Variants in RIPOR3 observed in about 807,000 individuals in gnomAD.
The protein encoded by RIPOR3 is RIPOR family member 3, also known as family with sequence similarity 65 member C.
A neutral mutation model predicts 114.3 loss-of-function variants in RIPOR3; 95 were observed. The ratio of observed to expected loss-of-function variants is 0.83; its 90% confidence interval spans 0.70 to 0.99. The LOEUF is 0.99. RIPOR3 is among the 50% of genes least tolerant of loss of function. RIPOR3 has a pLI of 0.00. For synonymous variants in RIPOR3, 575 were observed against 543.8 expected, an observed-to-expected ratio of 1.06 and a Z score of -0.80; for missense variants, 1,252 against 1,266.9, an observed-to-expected ratio of 0.99 and a Z score of 0.18.
At chr20:50,624,719 G>C (rs1224088021) in intron 2 of RIPOR3, among the ~76,000 whole-genome samples, 1 of 152,214 alleles carries the variant, frequency 6.6e-6, no homozygotes, top group African/African-American at 2.4e-5. Flanking sequence ...ACAGCCCCTG[G>C]CATGCCAGAC....
chr20:50,658,147 A>G (rs1225061130), intron 1 of RIPOR3, among the ~76,000 whole-genome samples: 4 of 152,170 alleles, frequency 2.6e-5, no homozygotes, highest in African/African-American at 9.7e-5. Context: ...TTGTACATCT[A>G]TATTCATAGC....
chr20:50,636,101 CTGATCCAT>C (rs2123289813), intron 1 of RIPOR3, among the ~76,000 whole-genome samples: 1 of 152,330 alleles, frequency 6.6e-6, no homozygotes, highest in Non-Finnish European at 1.5e-5. Flanking sequence ...CCTGGTGGGG[CTGATCCAT>C]GACGTTGACT....
At chr20:50,646,202 A>G (rs919661127) in intron 1 of RIPOR3, among the ~76,000 whole-genome samples, 1 of 152,074 alleles carries the variant, frequency 6.6e-6, no homozygotes, top group African/African-American at 2.4e-5. Flanking sequence ...GTCACAGCTC[A>G]CTGCAACCTC....
chr20:50,621,053 G>A (rs1331996682), intron 2 of RIPOR3: 7 of 451,782 alleles, frequency 1.5e-5, no homozygotes, highest in Non-Finnish European at 2.2e-5. Flanking sequence ...CCGCCATGAG[G>A]AAAGCCACTG....
At chr20:50,644,490 C>CT (rs551805497) in intron 1 of RIPOR3, among the ~76,000 whole-genome samples, 1 of 151,506 alleles carries the variant, frequency 6.6e-6, no homozygotes, top group Non-Finnish European at 1.5e-5. Flanking sequence ...CTTTTCTTTT[C>CT]TTTTTTTTCT....
chr20:50,610,965 C>A, intron 5 of RIPOR3, 59 bp from the exon 6 acceptor site: 1 of 1,609,900 alleles, frequency 6.2e-7, no homozygotes, highest in Non-Finnish European at 8.5e-7. Context: ...ACCTGCCCCG[C>A]TTGCCCCTGC....
In RIPOR3 at chr20:50,592,481, G is replaced by C. The variant is rs199983606; in HGVS notation, c.2440C>G (p.Arg814Gly). ...GGCAGAGGCTGGAGCTGGCCCAGCC[G>C]CTTCCCCTGCAGCTTCCGGACCACC... ...AKVVRKLQGK[R>G]LGQLQPLPQT... Residue 814 changes from arginine to glycine, a missense_variant, in exon 19 of 22, where the codon CGG (arginine) becomes GGG (glycine). By Grantham distance (125) the Arg-to-Gly change is moderately radical. Transcript: ENST00000327979. The C allele has an allele frequency of 6.2e-7, 1 of 1,610,554 alleles. No individual in the cohort carries two copies. The highest frequency in any genetic ancestry group is 8.5e-7 in the Non-Finnish European group (1 of 1,178,546).
At chr20:50,589,846 G>C (rs1328432835) in intron 19 of RIPOR3, 77 bp from the exon 20 acceptor site, 2 of 1,341,490 alleles carry the variant, frequency 1.5e-6, no homozygotes, top group Non-Finnish European at 2.1e-6. Context: ...TCAGCCACCA[G>C]GTGCCGACAG....
intron 1 of RIPOR3, among the ~76,000 whole-genome samples, chr20:50,649,480 G>A (rs1485028245): frequency 6.6e-6 from 1 of 152,090 alleles, no homozygotes; most frequent in African/African-American, 2.4e-5. Context: ...AAGGATGCCT[G>A]GCACACTCAG....
intron 1 of RIPOR3, among the ~76,000 whole-genome samples, chr20:50,644,282 A>G (rs1313645463): frequency 1.3e-5 from 2 of 151,136 alleles, no homozygotes; most frequent in Non-Finnish European, 2.9e-5. Flanking sequence ...CCAACCGAAA[A>G]TTCTTAAGGC....
At chr20:50,642,007 A>C (rs988700286) in intron 1 of RIPOR3, among the ~76,000 whole-genome samples, 9 of 151,586 alleles carry the variant, frequency 5.9e-5, no homozygotes, top group African/African-American at 1.9e-4. Flanking sequence ...TAGTACACCC[A>C]CCCCCTTCTG....
At chr20:50,603,646 G>A (rs1266276875) in intron 12 of RIPOR3, among the ~76,000 whole-genome samples, 1 of 152,192 alleles carries the variant, frequency 6.6e-6, no homozygotes, top group African/African-American at 2.4e-5. Flanking sequence ...CCCTATTCCA[G>A]GGCCTTCCCA....
intron 1 of RIPOR3, among the ~76,000 whole-genome samples, chr20:50,688,538 G>C (rs1030575547): frequency 6.6e-6 from 1 of 152,132 alleles, no homozygotes; most frequent in African/African-American, 2.4e-5. Flanking sequence ...TTAGCAACCC[G>C]TTCACCTAAT....
intron 6 of RIPOR3, 136 bp from the exon 7 acceptor site, chr20:50,609,858 T>C: frequency 9.8e-7 from 1 of 1,020,836 alleles, no homozygotes. Flanking sequence ...TGACAGTCAC[T>C]ACCTGTCCAG....
At chr20:50,678,830 T>TAATGC (rs1469579934) in intron 1 of RIPOR3, among the ~76,000 whole-genome samples, 1 of 151,878 alleles carries the variant, frequency 6.6e-6, no homozygotes, top group Non-Finnish European at 1.5e-5. Flanking sequence ...ACCATTATTA[T>TAATGC]CTGTTTAAAA....
In RIPOR3 at chr20:50,587,178, C is replaced by A. The variant is rs2082945361; in HGVS notation, c.*54G>T. On this transcript the variant is annotated 3_prime_UTR_variant, in exon 22 of 22. Transcript: ENST00000327979. ...ACCCAGAGTGCAGGCTATGTCCAGGCTGGGCAGCAGCAAAAAAAACGATGT... is the reference window on the plus strand; with the variant it reads ...ACCCAGAGTGCAGGCTATGTCCAGGATGGGCAGCAGCAAAAAAAACGATGT... The A allele has an allele frequency of 7.1e-7, 1 of 1,399,838 alleles. No homozygotes were observed. The highest frequency in any genetic ancestry group is 1.4e-5 in the African/African-American group (1 of 70,734). 86.7% of individuals were successfully genotyped at this position (1,399,838 alleles called of 1,614,324 possible).
chr20:50,659,316 A>G (rs1434746998), intron 1 of RIPOR3, among the ~76,000 whole-genome samples: 1 of 152,052 alleles, frequency 6.6e-6, no homozygotes, highest in Non-Finnish European at 1.5e-5. Flanking sequence ...TCCTGAATGA[A>G]CCAGAAACAA....
intron 1 of RIPOR3, among the ~76,000 whole-genome samples, chr20:50,664,412 C>T (rs776343726): frequency 5.3e-5 from 8 of 152,204 alleles, no homozygotes; most frequent in East Asian, 1.9e-4. Context: ...GGTCAGCAGT[C>T]GCACTGTTGG....
At chr20:50,592,994 G>T (rs766547213) in intron 18 of RIPOR3, 41 bp downstream of exon 18, 3 of 1,607,798 alleles carry the variant, frequency 1.9e-6, no homozygotes, top group Non-Finnish European at 1.7e-6. Flanking sequence ...AGGGCTCCGT[G>T]GATATTCCTC....
Sources: allele counts gnomAD v4.1 joint callset (sites outside exome capture counted in the v4.1 genomes callset), GRCh38; gene constraint gnomAD v4.1.1; transcripts MANE v1.5; gene names NCBI Gene and HGNC (gene_info 2026-07-23, HGNC 2026-07-21).